Variants in AK5 observed in about 807,000 individuals in gnomAD.
The protein encoded by AK5 is adenylate kinase 5.
In AK5, 27 loss-of-function variants were observed where a neutral mutation model predicts 69.5. That is an observed-to-expected ratio of 0.39 (90% confidence interval 0.29 to 0.54). The LOEUF (loss-of-function observed/expected upper bound fraction) is 0.54, where lower values mean the gene tolerates loss of function less well. Ranked by LOEUF, AK5 falls within the 20% of genes least tolerant of loss-of-function variation. AK5 has a pLI of 0.71. For synonymous variants in AK5, 260 were observed against 244.4 expected (o/e 1.06, Z -0.60); for missense variants, 531 against 700.4 (o/e 0.76, Z 2.73).
At chr1:77,339,710 A>G (rs928745309) in intron 5 of AK5, among the ~76,000 whole-genome samples, 4 of 149,088 alleles carry the variant, frequency 2.7e-5, no homozygotes, top group African/African-American at 1.0e-4. Context: ...CAATGGCACA[A>G]TCTCAGCTCA....
At chr1:77,550,486 A>G (rs1187654330) in intron 13 of AK5, among the ~76,000 whole-genome samples, 1 of 152,228 alleles carries the variant, frequency 6.6e-6, no homozygotes, top group East Asian at 1.9e-4. Flanking sequence ...TTAAGTTTAC[A>G]CAATTACTGA....
intron 6 of AK5, among the ~76,000 whole-genome samples, chr1:77,391,370 G>T (rs1446029589): frequency 7.2e-6 from 1 of 139,776 alleles, no homozygotes; most frequent in Admixed American, 7.3e-5. Context: ...GTCTGTCTCA[G>T]TACTTTATGC....
chr1:77,460,812 C>T (rs537636369), intron 8 of AK5, among the ~76,000 whole-genome samples: 2 of 152,202 alleles, frequency 1.3e-5, no homozygotes, highest in Non-Finnish European at 2.9e-5. Flanking sequence ...CAACCTCTGC[C>T]TCCTGGGTTC....
At chr1:77,483,172 G>C (rs1655376505) in intron 8 of AK5, 145 bp from the exon 9 acceptor site, 2 of 647,714 alleles carry the variant, frequency 3.1e-6, no homozygotes, top group Non-Finnish European at 5.6e-6. Flanking sequence ...CAGTGTCTTT[G>C]TCTGTAAAAT....
At chr1:77,288,718 A>G (rs917935061) in intron 2 of AK5, among the ~76,000 whole-genome samples, 1 of 152,230 alleles carries the variant, frequency 6.6e-6, no homozygotes, top group Non-Finnish European at 1.5e-5. Context: ...TGAAACTGCT[A>G]TTTAAAACTA....
intron 6 of AK5, among the ~76,000 whole-genome samples, chr1:77,386,223 G>A (rs757582873): frequency 3.9e-5 from 6 of 152,144 alleles, no homozygotes; most frequent in Non-Finnish European, 8.8e-5. Flanking sequence ...GAAATTTAGA[G>A]ACTTGCAAGA....
chr1:77,336,333 G>T (rs1661360242), intron 5 of AK5, among the ~76,000 whole-genome samples: 1 of 151,982 alleles, frequency 6.6e-6, no homozygotes, highest in African/African-American at 2.4e-5. Context: ...GCCCACCTCA[G>T]CCTCCCAAAG....
chr1:77,351,480 G>A (rs1431536680), intron 6 of AK5, among the ~76,000 whole-genome samples: 3 of 152,168 alleles, frequency 2.0e-5, no homozygotes, highest in African/African-American at 7.2e-5. Context: ...AGAGATGGAC[G>A]ATCTAGGAGT....
intron 6 of AK5, among the ~76,000 whole-genome samples, chr1:77,372,547 C>T (rs1647139593): frequency 6.6e-6 from 1 of 152,154 alleles, no homozygotes; most frequent in South Asian, 2.1e-4. Flanking sequence ...ATACATTTAA[C>T]TTACAGTGTC....
rs1489749143 is a variant in AK5 at position 77,379,924 on chromosome 1, T to C, written c.892-31057T>C. Reference sequence around the variant, plus strand: ...ATGGGGTCTAAAACATGTTTGATTATTTATTGTAAGAAGGCTGGATTTTAA... The same window carrying C: ...ATGGGGTCTAAAACATGTTTGATTACTTATTGTAAGAAGGCTGGATTTTAA... On this transcript the variant is annotated intron_variant, in intron 6 of 13. Coordinates refer to ENST00000354567, the MANE Select transcript of AK5 (RefSeq NM_174858.3). Among the ~76,000 whole-genome samples the C allele has an allele frequency of 2.0e-5, 3 of 152,202 alleles. No individual in the cohort carries two copies. The South Asian group carries it at 6.2e-4, about 31-fold the overall frequency.
chr1:77,417,897 C>A, intron 8 of AK5, 182 bp downstream of exon 8: 1 of 486,684 alleles, frequency 2.1e-6, no homozygotes, highest in Non-Finnish European at 3.7e-6. Flanking sequence ...GGCTTTTTGG[C>A]ACTCCCTTGT....
intron 6 of AK5, among the ~76,000 whole-genome samples, chr1:77,358,546 T>A (rs1570434907): frequency 6.6e-6 from 1 of 152,132 alleles, no homozygotes; most frequent in East Asian, 1.9e-4. Context: ...ACTATTGGTC[T>A]GAGAGTTTAC....
chr1:77,344,957 T>G (rs76237461), intron 6 of AK5, among the ~76,000 whole-genome samples: 7,525 of 149,728 alleles, frequency 0.05, 230 homozygotes, highest in South Asian at 0.1. Context: ...TATGCAATTT[T>G]GTTTATTTTT....
At chr1:77,376,070 T>C (rs34800536) in intron 6 of AK5, among the ~76,000 whole-genome samples, 17,514 of 152,248 alleles carry the variant, frequency 0.12, 1,111 homozygotes, top group Middle Eastern at 0.14. Flanking sequence ...CAGTTTCTTA[T>C]GCAAAATACA....
intron 13 of AK5, among the ~76,000 whole-genome samples, chr1:77,541,327 G>A (rs1316739933): frequency 6.6e-6 from 1 of 152,186 alleles, no homozygotes; most frequent in Non-Finnish European, 1.5e-5. Flanking sequence ...AGGGGACTAA[G>A]GTGGGAGGAT....
chr1:77,401,217 G>A (rs904326609), intron 6 of AK5, among the ~76,000 whole-genome samples: 1 of 152,148 alleles, frequency 6.6e-6, no homozygotes, highest in African/African-American at 2.4e-5. Flanking sequence ...CTCTTTTAGT[G>A]CAATCTTCAA....
chr1:77,448,770 C>T (rs901141173), intron 8 of AK5, among the ~76,000 whole-genome samples: 41 of 152,308 alleles, frequency 2.7e-4, no homozygotes, highest in Admixed American at 5.9e-4. Flanking sequence ...GGAACCCAGA[C>T]TTAGGAACTC....
intron 6 of AK5, among the ~76,000 whole-genome samples, chr1:77,403,824 T>C (rs1330497306): frequency 6.6e-6 from 1 of 152,248 alleles, no homozygotes; most frequent in African/African-American, 2.4e-5. Flanking sequence ...CTTTTTCCAA[T>C]TCTGTGAAGA....
chr1:77,387,673 C>T (rs755812010), intron 6 of AK5, among the ~76,000 whole-genome samples: 4 of 152,204 alleles, frequency 2.6e-5, no homozygotes, highest in Non-Finnish European at 5.9e-5. Context: ...GGACCTAGAA[C>T]GTCTTCATTT....
Sources: allele counts gnomAD v4.1 joint callset (sites outside exome capture counted in the v4.1 genomes callset), GRCh38; gene constraint gnomAD v4.1.1; transcripts MANE v1.5; gene names NCBI Gene and HGNC (gene_info 2026-07-23, HGNC 2026-07-21).